Variants in PPP2R2C observed in about 807,000 individuals in gnomAD.
PPP2R2C encodes the protein protein phosphatase 2 regulatory subunit Bgamma, also known as protein phosphatase 2, regulatory subunit B, gamma.
Under a neutral mutation model 45.3 loss-of-function variants are expected in PPP2R2C, and 10 were observed. The ratio of observed to expected loss-of-function variants is 0.22; its 90% CI spans 0.14 to 0.37. The LOEUF (loss-of-function observed/expected upper bound fraction) is 0.37, where lower values mean the gene tolerates loss of function less well. Ranked by LOEUF, PPP2R2C falls within the 10% of genes least tolerant of loss-of-function variation. The probability of loss-of-function intolerance (pLI) is 1.00; values close to 1 mark genes in which losing one functional copy is unlikely to be tolerated. For missense variants in PPP2R2C, 308 were observed against 619.7 expected, an observed-to-expected ratio of 0.50 and a Z score of 5.34; for synonymous variants, 257 against 245.4, an observed-to-expected ratio of 1.05 and a Z score of -0.44.
At chr4:6,506,791 A>T (rs560198585) in intron 2 of PPP2R2C, among the ~76,000 whole-genome samples, 1 of 152,230 alleles carries the variant, frequency 6.6e-6, no homozygotes, top group South Asian at 2.1e-4. Flanking sequence ...TGAAGGCCCA[A>T]CTGGGCTGGA....
At chr4:6,433,910 CT>C (rs1329075857) in intron 1 of PPP2R2C, among the ~76,000 whole-genome samples, 1 of 152,178 alleles carries the variant, frequency 6.6e-6, no homozygotes, top group Non-Finnish European at 1.5e-5. Flanking sequence ...GCTGTGCAGC[CT>C]TTGGTTAAGA....
chr4:6,470,891 C>T (rs1471578674), intron 1 of PPP2R2C, among the ~76,000 whole-genome samples: 1 of 151,918 alleles, frequency 6.6e-6, no homozygotes, highest in Non-Finnish European at 1.5e-5. Flanking sequence ...GCGGCCCCCG[C>T]AGCCTCCCTC....
intron 1 of PPP2R2C, among the ~76,000 whole-genome samples, chr4:6,423,930 T>C (rs369546641): frequency 1.3e-5 from 2 of 150,358 alleles, no homozygotes; most frequent in East Asian, 3.9e-4. Flanking sequence ...TTAGGGTTAG[T>C]GTTAGTGTTT....
intron 5 of PPP2R2C, among the ~76,000 whole-genome samples, chr4:6,360,650 T>G (rs946080402): frequency 1.3e-5 from 2 of 152,214 alleles, no homozygotes; most frequent in African/African-American, 4.8e-5. Flanking sequence ...GGAGTTCATC[T>G]TGAAAAACTG....
In PPP2R2C at chr4:6,472,281, A is replaced by G. The variant is rs1217034620; in HGVS notation, c.-52T>C. ...ATGCCCCGCCGCCACACACCGATGC[A>G]ATCCGCAGAGGTCGCGCCGGGCGCG... On this transcript the variant is annotated 5_prime_UTR_variant, in exon 1 of 9. Transcript: ENST00000382599. 3 of 1,607,756 alleles carry G rather than the reference A, an allele frequency of 1.9e-6. No homozygotes were observed. The South Asian group carries it at 3.3e-5, about 18-fold the overall frequency.
At chr4:6,537,544 A>ATTTTTTTTTT (rs1560609614) in intron 1 of PPP2R2C, among the ~76,000 whole-genome samples, 1 of 144,430 alleles carries the variant, frequency 6.9e-6, no homozygotes, top group African/African-American at 2.6e-5. Flanking sequence ...GAACTTGAAG[A>ATTTTTTTTTT]TTTTTTGTTT....
At chr4:6,422,413 A>G (rs1719039224) in intron 1 of PPP2R2C, among the ~76,000 whole-genome samples, 1 of 152,174 alleles carries the variant, frequency 6.6e-6, no homozygotes, top group African/African-American at 2.4e-5. Context: ...TCATTTTTTT[A>G]TATGGGGGAA....
chr4:6,457,693 A>G (rs1163363757), intron 1 of PPP2R2C, among the ~76,000 whole-genome samples: 3 of 152,164 alleles, frequency 2.0e-5, no homozygotes, highest in Admixed American at 1.3e-4. Context: ...TTTTTAAAAT[A>G]GTACAACTAA....
intron 5 of PPP2R2C, among the ~76,000 whole-genome samples, chr4:6,354,640 T>C (rs1712974545): frequency 1.3e-5 from 2 of 151,024 alleles, no homozygotes; most frequent in Non-Finnish European, 2.9e-5. Context: ...CTGTTCACGG[T>C]CATTTGCCCC....
intron 1 of PPP2R2C, among the ~76,000 whole-genome samples, chr4:6,389,403 C>A (rs1007396785): frequency 3.9e-5 from 6 of 152,164 alleles, no homozygotes; most frequent in African/African-American, 1.4e-4. Flanking sequence ...AAGCCCAGCT[C>A]GAGCCTTCTG....
chr4:6,438,179 G>A (rs758130232), intron 1 of PPP2R2C, among the ~76,000 whole-genome samples: 3 of 152,200 alleles, frequency 2.0e-5, no homozygotes, highest in Non-Finnish European at 2.9e-5. Context: ...ACTCACCATC[G>A]TACAGTTACT....
rs531699688 is a variant in PPP2R2C, at chr4:6,338,220, C to G, written c.791-4489G>C. ...GGCCCAGTCCCATCTCCACCCACTC[C>G]CCCACACCCTAATTATTTAAAAGTT... On this transcript the variant is annotated intron_variant, in intron 6 of 8. Coordinates refer to ENST00000382599, the MANE Select transcript of PPP2R2C (RefSeq NM_020416.4). Among the ~76,000 whole-genome samples, 145 of 152,332 alleles carry G rather than the reference C, an allele frequency of 9.5e-4. 1 individual carries two copies. Among genetic ancestry groups the G allele is most frequent in the African/African-American group, 3.3e-3 (137 of 41,566 alleles).
rs566926127 is a variant in PPP2R2C, at chr4:6,355,551, C to CAA, written c.626-7543_626-7542dup. 4.4e-3 allele frequency among the ~76,000 whole-genome samples: 350 copies of CAA among 78,940 alleles called. 2 individuals are homozygous for CAA. The highest frequency in any genetic ancestry group is 0.014 in the African/African-American group (325 of 23,996). 51.8% of individuals were successfully genotyped at this position (78,940 alleles called of 152,430 possible). A position where few individuals can be genotyped will look rare whatever the true frequency, so the allele number is the denominator to read the frequency against. ...AGAAAAAAGAAAGCCACAGAAAGCA[C>CAA]AAAAAAAAAAAAAAAAGAGGCATGG... On this transcript the variant is annotated intron_variant, in intron 5 of 8. Transcript: ENST00000382599.
intron 1 of PPP2R2C, among the ~76,000 whole-genome samples, chr4:6,450,624 G>A (rs537603517): frequency 6.6e-6 from 1 of 152,170 alleles, no homozygotes; most frequent in Non-Finnish European, 1.5e-5. Context: ...ACCCACCCAG[G>A]CAGCTGCCTG....
chr4:6,436,884 T>A (rs1719923279), intron 1 of PPP2R2C, among the ~76,000 whole-genome samples: 1 of 79,648 alleles, frequency 1.3e-5, no homozygotes. Flanking sequence ...ATATAGACTA[T>A]AAAGCTGAGG....
chr4:6,450,801 G>T (rs1257115929), intron 1 of PPP2R2C, among the ~76,000 whole-genome samples: 1 of 152,170 alleles, frequency 6.6e-6, no homozygotes, highest in Non-Finnish European at 1.5e-5. Context: ...TGGGTAGGGG[G>T]TGGGGTCTGG....
At chr4:6,512,080 C>G (rs796349855) in intron 2 of PPP2R2C, among the ~76,000 whole-genome samples, 20 of 6,362 alleles carry the variant, frequency 3.1e-3, no homozygotes, top group Admixed American at 4.9e-3. Flanking sequence ...GGTGATGGTG[C>G]TGATGGTGGT....
chr4:6,398,946 G>C (rs1717236047), intron 1 of PPP2R2C, among the ~76,000 whole-genome samples: 1 of 152,124 alleles, frequency 6.6e-6, no homozygotes, highest in African/African-American at 2.4e-5. Context: ...CAGCAACCAG[G>C]GGGAAGTTCA....
chr4:6,360,726 G>T (rs542176445), intron 5 of PPP2R2C, among the ~76,000 whole-genome samples: 2 of 152,318 alleles, frequency 1.3e-5, no homozygotes, highest in African/African-American at 4.8e-5. Flanking sequence ...TCAGACCAAG[G>T]CATGTCAGAT....
Sources: gnomAD v4.1 joint callset for allele counts (sites outside exome capture counted in the v4.1 genomes callset) on GRCh38, gnomAD v4.1.1 for gene constraint, MANE v1.5 for transcripts, NCBI Gene and HGNC (gene_info 2026-07-23, HGNC 2026-07-21) for gene names.